The following DLG4 variants were observed in gnomAD, a reference collection of about 807,000 sequenced individuals.
DLG4 encodes disks large homolog 4.
In DLG4, 7 loss-of-function variants were observed where a neutral mutation model predicts 93.8. The ratio of observed to expected loss-of-function variants is 0.07; its 90% CI spans 0.04 to 0.14. DLG4 has a LOEUF of 0.14. DLG4 is among the 10% of genes least tolerant of loss of function. The pLI is 1.00. For missense variants in DLG4, 545 were observed against 992.9 expected (o/e 0.55, Z 6.06); for synonymous variants, 341 against 387.6 (o/e 0.88, Z 1.41).
At chr17:7,192,111 G>A (rs771842880) in intron 17 of DLG4, 109 bp from the exon 18 acceptor site, 6 of 561,764 alleles carry the variant, frequency 1.1e-5, no homozygotes, top group East Asian at 6.4e-5. Flanking sequence ...GAAGTTGGCC[G>A]AAGGGGAGTG....
intron 8 of DLG4, among the ~76,000 whole-genome samples, chr17:7,197,276 G>C (rs1347975115): frequency 2.0e-5 from 3 of 152,022 alleles, no homozygotes; most frequent in Non-Finnish European, 4.4e-5. Flanking sequence ...TAAAGGATTT[G>C]AACGTTATAT....
intron 1 of DLG4, chr17:7,211,641 C>A (rs2859609): frequency 1.0e-6 from 1 of 979,672 alleles, no homozygotes; most frequent in Non-Finnish European, 1.2e-6. Context: ...GGCCGGAGCC[C>A]ATACCGCGGC....
chr17:7,193,161 C>T lies in DLG4; in HGVS notation c.1694-44G>A, dbSNP rs527237304. ...ACCCCCCAAAGATCTAACCACCATCCCTCTAGCTTAAATCCTGCCTACTTC... is the reference window on the plus strand; with the variant it reads ...ACCCCCCAAAGATCTAACCACCATCTCTCTAGCTTAAATCCTGCCTACTTC... On this transcript the variant is annotated intron_variant, in intron 16 of 19. Transcript: ENST00000399506. This position sits in a 1 kb window ranked among gnomAD's most constrained non-coding sequence, Gnocchi z 6.7. The T allele has an allele frequency of 5.6e-6, 9 of 1,608,300 alleles. No individual in the cohort carries two copies. The highest frequency in any genetic ancestry group is 2.2e-5 in the South Asian group (2 of 90,422).
At chr17:7,204,273 C>A (rs765652362) in intron 2 of DLG4, 21 bp from the exon 3 acceptor site, 4 of 1,565,496 alleles carry the variant, frequency 2.6e-6, no homozygotes, top group South Asian at 2.4e-5. Context: ...AAACAAGAGA[C>A]AAAAAGCAGC....
At position 7,187,905 on chromosome 17, in the gene DLG4, C is replaced by T. The variant is rs2069334799; in HGVS notation, c.*2803G>A. Among the ~76,000 whole-genome samples, 1 of 151,970 alleles carries T rather than the reference C, an allele frequency of 6.6e-6. No homozygotes were observed. Among genetic ancestry groups the T allele is most frequent in the Admixed American group, 6.6e-5 (1 of 15,238 alleles). The stretch of plus-strand genomic sequence containing the variant: ...CTAACATGGTGAAACCCCGTTTCTA[C>T]TAAAAATATTAAAAAATAGCTGTGT... On this transcript the variant is annotated 3_prime_UTR_variant, in exon 20 of 20. Coordinates refer to ENST00000399506, the MANE Select transcript of DLG4 (RefSeq NM_001321075.3).
Position 7,217,100 on chromosome 17 carries a change from C to G in DLG4, c.30+18G>C. On this transcript the variant is annotated intron_variant, in intron 1 of 19. Transcript: ENST00000399506. ...CTCATACCCTCCCCCCAGTTTATAG[C>G]CCCCCCATCATGCTTACCTTGGTTG... 1 of 1,284,606 alleles carries G rather than the reference C, an allele frequency of 7.8e-7. No individual in the cohort carries two copies. The highest frequency in any genetic ancestry group is 9.9e-7 in the Non-Finnish European group (1 of 1,013,586). 79.6% of individuals were successfully genotyped at this position (1,284,606 alleles called of 1,614,324 possible). A position where few individuals can be genotyped will look rare whatever the true frequency, so the allele number is the denominator to read the frequency against.
intron 1 of DLG4, among the ~76,000 whole-genome samples, chr17:7,215,719 C>T (rs1366634799): frequency 6.6e-6 from 1 of 152,194 alleles, no homozygotes. Flanking sequence ...TCTCTTCCAA[C>T]CATCCTCACA....
rs1444660311 is a variant in DLG4, at chr17:7,203,434, C to T, written c.495G>A (p.Lys165=). The T allele has an allele frequency of 1.9e-6, 3 of 1,607,360 alleles. No homozygotes were observed. Among genetic ancestry groups the T allele is most frequent in the East Asian group, 4.5e-5 (2 of 44,626 alleles). The part of the protein sequence containing the change: ...AEKVMEIKLI[K]GPKGLGFSIA... The stretch of plus-strand genomic sequence containing the variant: ...AAAATGAGTTACTACCTTTAGGCCC[C>T]TTGATGAGCTTGATCTCCATGACCT... Residue 165 remains lysine, a synonymous_variant, in exon 6 of 20, where the codon AAG becomes AAA. Transcript: ENST00000399506. This position sits in a 1 kb window ranked among gnomAD's most constrained non-coding sequence, Gnocchi z 7.2.
At chr17:7,219,848 T>C (rs1297505116), upstream of DLG4, 7 of 1,538,450 alleles carry the variant, frequency 4.6e-6, no homozygotes, top group Admixed American at 3.9e-5. Context: ...GCTCCCAGCA[T>C]GCCCCGGGGC....
upstream of DLG4, chr17:7,219,602 T>C (rs762906819): frequency 5.1e-6 from 6 of 1,173,344 alleles, no homozygotes; most frequent in Non-Finnish European, 5.3e-6. Flanking sequence ...TACACTTCTC[T>C]TTCCCTACTT....
chr17:7,205,595 C>A (rs1047909224), intron 2 of DLG4, among the ~76,000 whole-genome samples: 3 of 152,112 alleles, frequency 2.0e-5, no homozygotes, highest in African/African-American at 7.2e-5. Flanking sequence ...AGATTTCACA[C>A]CCATAAATCT....
At position 7,203,182 on chromosome 17, in the gene DLG4, G is replaced by A; in HGVS notation, c.642+11C>T. 6.3e-7 allele frequency: 1 copy of A among 1,587,648 alleles called. No individual in the cohort carries two copies. Among genetic ancestry groups the A allele is most frequent in the Non-Finnish European group, 8.6e-7 (1 of 1,160,976 alleles). ...ATCTGGGCTAGAAAATGGGCTAGAT[G>A]GAGTCCTCACCGCCAGGATCTTGTC... On this transcript the variant is annotated intron_variant, in intron 7 of 19. Transcript: ENST00000399506. This position sits in a 1 kb window ranked among gnomAD's most constrained non-coding sequence, Gnocchi z 7.2.
intron 2 of DLG4, among the ~76,000 whole-genome samples, chr17:7,206,141 G>A (rs1421446513): frequency 6.6e-6 from 1 of 151,894 alleles, no homozygotes; most frequent in South Asian, 2.1e-4. Context: ...CCAGGCTGGA[G>A]TGCAGTGGTG....
Position 7,191,202 on chromosome 17 carries a change from G to A in DLG4, c.2068+65C>T, listed in dbSNP as rs1308075993. 6.6e-7 allele frequency: 1 copy of A among 1,506,254 alleles called. No individual in the cohort carries two copies. Among genetic ancestry groups the A allele is most frequent in the Non-Finnish European group, 9.2e-7 (1 of 1,086,166 alleles). 93.3% of individuals were successfully genotyped at this position (1,506,254 alleles called of 1,614,324 possible). On this transcript the variant is annotated intron_variant, in intron 19 of 19. Coordinates refer to ENST00000399506, the MANE Select transcript of DLG4 (RefSeq NM_001321075.3). The surrounding 1 kb of genome is among the most constrained non-coding windows in gnomAD (Gnocchi z 6.6). ...CTAAGCCATCCACTGGGGGTGGCGG[G>A]GGAGCTCTTTCTAATCCGAGCAAGG...
intron 1 of DLG4, chr17:7,211,735 TG>T: frequency 3.5e-6 from 1 of 282,912 alleles, no homozygotes. Flanking sequence ...AGGGGGTAGG[TG>T]GGATATCAAG....
At chr17:7,200,411 T>C (rs2070056828) in intron 8 of DLG4, among the ~76,000 whole-genome samples, 1 of 152,210 alleles carries the variant, frequency 6.6e-6, no homozygotes, top group African/African-American at 2.4e-5. Flanking sequence ...TTACATTTCT[T>C]GTCAAGTTTC....
Position 7,195,356 on chromosome 17 carries a change from C to T in DLG4, c.1302-861G>A, listed in dbSNP as rs1370984254. 6.6e-6 allele frequency among the ~76,000 whole-genome samples: 1 copy of T among 152,122 alleles called. No homozygotes were observed. Among genetic ancestry groups the T allele is most frequent in the Non-Finnish European group, 1.5e-5 (1 of 68,016 alleles). ...CCTCTGTGGTCACTGGGAGTCAGAACAACCTTGGGGACCAACCGGACCCGA... is the reference window on the plus strand; with the variant it reads ...CCTCTGTGGTCACTGGGAGTCAGAATAACCTTGGGGACCAACCGGACCCGA... On this transcript the variant is annotated intron_variant, in intron 11 of 19. Transcript: ENST00000399506. The surrounding 1 kb of genome is among the most constrained non-coding windows in gnomAD (Gnocchi z 4.3).
intron 1 of DLG4, among the ~76,000 whole-genome samples, chr17:7,209,116 T>A (rs1453826235): frequency 6.6e-6 from 1 of 152,148 alleles, no homozygotes; most frequent in Non-Finnish European, 1.5e-5. Context: ...GGTAGCATGC[T>A]GAGCCTCAGA....
chr17:7,197,132 A>G, intron 8 of DLG4, 80 bp from the exon 9 acceptor site: 1 of 1,395,034 alleles, frequency 7.2e-7, no homozygotes, highest in East Asian at 2.5e-5. Context: ...GGGTGCCAGA[A>G]GAGCCAAAGT....
Sources: allele counts gnomAD v4.1 joint callset (sites outside exome capture counted in the v4.1 genomes callset), GRCh38; gene constraint gnomAD v4.1.1; non-coding constraint Gnocchi (gnomAD v3.1); transcripts MANE v1.5; gene names NCBI Gene and HGNC (gene_info 2026-07-23, HGNC 2026-07-21).